The following FAM83A variants were observed in gnomAD, a reference collection of about 807,000 sequenced individuals.
FAM83A encodes scaffolding CK1 anchoring protein A, also known as protein FAM83A.
In FAM83A, 21 loss-of-function variants were observed where a neutral mutation model predicts 24.4. The observed-to-expected ratio is 0.86, with a 90% CI of 0.61 to 1.24. FAM83A has a LOEUF of 1.24. FAM83A is among the 50% of genes most tolerant of loss of function. The pLI, the probability that FAM83A is intolerant of heterozygous loss-of-function variation, is 0.00. For synonymous variants in FAM83A, 270 were observed against 252.4 expected (o/e 1.07, Z -0.66); for missense variants, 617 against 579.8 (o/e 1.06, Z -0.66).
At chr8:123,189,545 A>C (rs1027936933) in intron 1 of FAM83A, among the ~76,000 whole-genome samples, 38 of 152,242 alleles carry the variant, frequency 2.5e-4, no homozygotes, top group African/African-American at 8.7e-4. Context: ...TGCTTAGGGC[A>C]AACCTGCCTC....
exon 1 of FAM83A, chr8:123,183,028 G>T: frequency 6.2e-7 from 1 of 1,608,912 alleles, no homozygotes; most frequent in Non-Finnish European, 8.5e-7. Context: ...CAGCCAGGAA[G>T]GCGAGGTGGA....
chr8:123,184,080 A>G (rs573859177), intron 1 of FAM83A, among the ~76,000 whole-genome samples: 29 of 152,238 alleles, frequency 1.9e-4, no homozygotes, highest in Admixed American at 1.9e-3. Context: ...TGGGAAGAAC[A>G]AACTCCTTAG....
chr8:123,181,440 A>G (rs1025307806), upstream of FAM83A, among the ~76,000 whole-genome samples: 5 of 152,156 alleles, frequency 3.3e-5, no homozygotes, highest in African/African-American at 1.2e-4. Flanking sequence ...CCCTGAGCAG[A>G]TAGCGTCAGG....
intron 1 of FAM83A, 118 bp from the exon 2 acceptor site, chr8:123,191,685 C>T (rs561537184): frequency 2.9e-6 from 3 of 1,051,388 alleles, no homozygotes; most frequent in Non-Finnish European, 4.3e-6. Context: ...CCATCCTCTC[C>T]CCTCTGGCCC....
At chr8:123,193,133 G>A (rs767023894) in intron 2 of FAM83A, among the ~76,000 whole-genome samples, 4 of 152,344 alleles carry the variant, frequency 2.6e-5, no homozygotes, top group Non-Finnish European at 4.4e-5. Context: ...CCAGCTGTAC[G>A]GCGGGAGCAG....
At position 123,208,980 on chromosome 8, in the gene FAM83A, A is replaced by AG. The variant is rs1554631462; in HGVS notation, c.*1292_*1293insG. On this transcript the variant is annotated 3_prime_UTR_variant, in exon 4 of 4. Coordinates refer to ENST00000690554, the Ensembl canonical transcript of FAM83A. ...CTCCGTCACAGAAAAAAAAAAAAAAAAGAGAGAGAGCATAGAGGAGGGTTG... is the reference window on the plus strand; with the variant it reads ...CTCCGTCACAGAAAAAAAAAAAAAAAGAGAGAGAGAGCATAGAGGAGGGTTG... 721 of 985,722 alleles carry AG rather than the reference A, an allele frequency of 7.3e-4. 4 individuals carry two copies. In the African/African-American group the frequency reaches 9.0e-3, roughly 12 times the overall value. 61.1% of individuals were successfully genotyped at this position (985,722 alleles called of 1,614,324 possible).
chr8:123,208,705 T>C (rs1267586874), exon 4 of FAM83A: 2 of 985,258 alleles, frequency 2.0e-6, no homozygotes, highest in East Asian at 1.1e-4. Context: ...TTAGAAAGCA[T>C]ACAGGAGGGG....
At chr8:123,187,318 C>T (rs1174381929) in intron 1 of FAM83A, among the ~76,000 whole-genome samples, 3 of 152,104 alleles carry the variant, frequency 2.0e-5, no homozygotes, top group Non-Finnish European at 2.9e-5. Context: ...GCCCTTTCAG[C>T]GGCCGTAAGA....
chr8:123,208,003 G>A (rs1586792233), exon 4 of FAM83A: 1 of 1,158,154 alleles, frequency 8.6e-7, no homozygotes, highest in East Asian at 4.1e-5. Flanking sequence ...AATATTAATG[G>A]CCCCCAAAAC....
rs1823683032 is a variant in FAM83A, at chr8:123,183,402, G to C, written c.480+66G>C. On this transcript the variant is annotated intron_variant, in intron 1 of 3. Coordinates refer to ENST00000690554, the Ensembl canonical transcript of FAM83A. Reference sequence around the variant, plus strand: ...GGGAGGATCGGGGGCTGATAGAGCAGGGAGGGGGGTGCATTTTGCTCCCAG... The same window carrying C: ...GGGAGGATCGGGGGCTGATAGAGCACGGAGGGGGGTGCATTTTGCTCCCAG... 1.9e-6 allele frequency: 3 copies of C among 1,546,382 alleles called. No homozygotes were observed. In the African/African-American group the frequency reaches 4.1e-5, roughly 21 times the overall value.
chr8:123,181,576 C>G (rs1402288280), upstream of FAM83A: 1 of 160,426 alleles, frequency 6.2e-6, no homozygotes, highest in East Asian at 1.7e-4. Context: ...TGAACTGGCC[C>G]CGGGAGCAGC....
At chr8:123,203,258 A>G (rs1301346402) in intron 3 of FAM83A, among the ~76,000 whole-genome samples, 1 of 152,006 alleles carries the variant, frequency 6.6e-6, no homozygotes, top group Non-Finnish European at 1.5e-5. Flanking sequence ...AGTTTGCTTA[A>G]TCTGACTATA....
intron 3 of FAM83A, among the ~76,000 whole-genome samples, chr8:123,198,704 A>G (rs1200400674): frequency 1.3e-5 from 2 of 152,198 alleles, no homozygotes; most frequent in Admixed American, 6.5e-5. Context: ...TATCTCATAC[A>G]TTATGCTTTC....
At chr8:123,191,698 TG>T in intron 1 of FAM83A, 104 bp from the exon 2 acceptor site, 1 of 1,226,980 alleles carries the variant, frequency 8.2e-7, no homozygotes, top group Non-Finnish European at 1.2e-6. Context: ...TCTGGCCCAA[TG>T]GGAACAGCTC....
At chr8:123,186,125 T>C (rs988816671) in intron 1 of FAM83A, among the ~76,000 whole-genome samples, 1 of 152,188 alleles carries the variant, frequency 6.6e-6, no homozygotes, top group Non-Finnish European at 1.5e-5. Context: ...TAAATAGCTA[T>C]AATCCACATG....
chr8:123,208,226 C>T, exon 4 of FAM83A: 4 of 985,950 alleles, frequency 4.1e-6, no homozygotes, highest in South Asian at 4.7e-5. Context: ...AAGGCTAATA[C>T]TAGGGTATCC....
At chr8:123,183,148 A>T (rs1823666491) in exon 1 of FAM83A, 1 of 1,613,656 alleles carries the variant, frequency 6.2e-7, no homozygotes, top group South Asian at 1.1e-5. Context: ...ACTGGACTCC[A>T]GCTCCCTACA....
chr8:123,185,718 T>C (rs1823768992), intron 1 of FAM83A, among the ~76,000 whole-genome samples: 1 of 152,226 alleles, frequency 6.6e-6, no homozygotes, highest in African/African-American at 2.4e-5. Context: ...AGGCACCCAA[T>C]AATAATTAAT....
intron 1 of FAM83A, among the ~76,000 whole-genome samples, chr8:123,184,884 G>A (rs181004017): frequency 2.6e-5 from 4 of 152,306 alleles, no homozygotes; most frequent in African/African-American, 7.2e-5. Flanking sequence ...TTGGTTTTTT[G>A]CTAGGGTCCC....
Sources: gnomAD v4.1 joint callset for allele counts (sites outside exome capture counted in the v4.1 genomes callset) on GRCh38, gnomAD v4.1.1 for gene constraint, MANE v1.5 for transcripts, NCBI Gene and HGNC (gene_info 2026-07-23, HGNC 2026-07-21) for gene names.